TMEM131: variants seen among roughly 807,000 people sequenced by gnomAD.
TMEM131 encodes the protein transmembrane protein 131, also known as 2610524E03Rik.
A neutral mutation model predicts 211.6 loss-of-function variants in TMEM131; 66 were observed. That is an observed-to-expected ratio of 0.31 (90% CI 0.26 to 0.38). The LOEUF (loss-of-function observed/expected upper bound fraction) is 0.38, where lower values mean the gene tolerates loss of function less well. Ranked by LOEUF, TMEM131 falls within the 10% of genes least tolerant of loss-of-function variation. The probability of loss-of-function intolerance (pLI) is 1.00; values close to 1 mark genes in which losing one functional copy is unlikely to be tolerated. For synonymous variants in TMEM131, 844 were observed against 841.3 expected (o/e 1.00, Z -0.06); for missense variants, 2,036 against 2,299.3 (o/e 0.89, Z 2.34).
chr2:97,954,090 TC>T (rs1365215716), intron 1 of TMEM131, among the ~76,000 whole-genome samples: 1 of 152,170 alleles, frequency 6.6e-6, no homozygotes, highest in Non-Finnish European at 1.5e-5. Flanking sequence ...ATAATCTCTG[TC>T]CCCTACTTTA....
At chr2:97,865,066 A>C (rs1553606917) in intron 4 of TMEM131, among the ~76,000 whole-genome samples, 1 of 152,216 alleles carries the variant, frequency 6.6e-6, no homozygotes, top group Non-Finnish European at 1.5e-5. Context: ...TGGGGCAATC[A>C]ATAGTTTTTA....
chr2:97,949,817 CAAAAAAA>C (rs386390704), intron 1 of TMEM131, among the ~76,000 whole-genome samples: 9 of 66,974 alleles, frequency 1.3e-4, no homozygotes, highest in African/African-American at 2.3e-4. Context: ...GAGACTGTCT[CAAAAAAA>C]AAAAAAAAAA....
intron 7 of TMEM131, among the ~76,000 whole-genome samples, chr2:97,838,348 C>A (rs1683027101): frequency 6.7e-6 from 1 of 149,386 alleles, no homozygotes; most frequent in Non-Finnish European, 1.5e-5. Flanking sequence ...GAAACGTTCA[C>A]TTGTTTCATC....
At chr2:97,982,450 T>C (rs1679841335) in intron 1 of TMEM131, among the ~76,000 whole-genome samples, 4 of 152,238 alleles carry the variant, frequency 2.6e-5, no homozygotes, top group Admixed American at 2.6e-4. Flanking sequence ...AAAATTTTTC[T>C]TCCATTCTGT....
chr2:97,885,859 G>C (rs779878664), intron 4 of TMEM131, among the ~76,000 whole-genome samples: 6 of 152,148 alleles, frequency 3.9e-5, no homozygotes, highest in Non-Finnish European at 5.9e-5. Context: ...ATTTCATTAA[G>C]TATGTTTTCT....
At chr2:97,907,916 T>C (rs539307641) in intron 3 of TMEM131, among the ~76,000 whole-genome samples, 15 of 152,292 alleles carry the variant, frequency 9.8e-5, no homozygotes, top group African/African-American at 3.4e-4. Flanking sequence ...TCTTCTAAGC[T>C]AACTTCCTTT....
chr2:97,776,451 T>G (rs1679736594), intron 31 of TMEM131, among the ~76,000 whole-genome samples: 1 of 152,226 alleles, frequency 6.6e-6, no homozygotes, highest in South Asian at 2.1e-4. Context: ...AGGTTTCTTT[T>G]TTTCTTCTCT....
At chr2:97,916,993 A>C (rs1346016332) in intron 2 of TMEM131, among the ~76,000 whole-genome samples, 1 of 152,188 alleles carries the variant, frequency 6.6e-6, no homozygotes, top group African/African-American at 2.4e-5. Context: ...AAGTCCTTTA[A>C]TTTAAAACAA....
chr2:97,989,112 T>C (rs1680154217), intron 1 of TMEM131, among the ~76,000 whole-genome samples: 1 of 152,210 alleles, frequency 6.6e-6, no homozygotes, highest in Admixed American at 6.5e-5. Flanking sequence ...CTTTTTTATA[T>C]TTTTATGAAA....
intron 40 of TMEM131, 30 bp from the exon 41 acceptor site, chr2:97,757,413 G>C: frequency 6.5e-7 from 1 of 1,545,086 alleles, no homozygotes; most frequent in Non-Finnish European, 8.7e-7. Flanking sequence ...GTCCAGCACT[G>C]AGCCCGGCAG....
chr2:97,796,268 A>G lies in TMEM131; in HGVS notation c.3150T>C (p.Asn1050=), dbSNP rs564087917. The part of the protein sequence containing the change: ...SCEGYGFKVV[N]CQEFTLSANA... ...TGGCACTTAGAGTAAACTCTTGACA[A>G]TTAACAACTTTAAAGCCATATCCTT... is the stretch of plus-strand genomic sequence containing the variant. Residue 1050 remains asparagine, a synonymous_variant, in exon 28 of 41, where the codon AAT becomes AAC. Coordinates refer to ENST00000186436, the MANE Select transcript of TMEM131 (RefSeq NM_015348.2). The G allele has an allele frequency of 6.4e-7, 1 of 1,573,074 alleles. No homozygotes were observed. The highest frequency in any genetic ancestry group is 1.2e-5 in the South Asian group (1 of 85,196).
chr2:97,994,313 C>A (rs1485009469), intron 1 of TMEM131, among the ~76,000 whole-genome samples: 2 of 152,204 alleles, frequency 1.3e-5, no homozygotes, highest in Non-Finnish European at 2.9e-5. Flanking sequence ...CTATAGACGA[C>A]AATTCTTTGA....
intron 19 of TMEM131, among the ~76,000 whole-genome samples, chr2:97,806,787 T>C (rs534243469): frequency 6.6e-6 from 1 of 152,318 alleles, no homozygotes; most frequent in East Asian, 1.9e-4. Flanking sequence ...ACTTTTTAAA[T>C]ATTTGGAATA....
chr2:97,853,571 ACTC>A (rs1359078445), intron 5 of TMEM131, among the ~76,000 whole-genome samples: 1 of 149,702 alleles, frequency 6.7e-6, no homozygotes, highest in Non-Finnish European at 1.5e-5. Flanking sequence ...GTGCCAGTGC[ACTC>A]CAGCCTGGGC....
intron 4 of TMEM131, among the ~76,000 whole-genome samples, chr2:97,876,848 C>G (rs1461547193): frequency 6.6e-6 from 1 of 152,086 alleles, no homozygotes; most frequent in Non-Finnish European, 1.5e-5. Flanking sequence ...GAAGTTCTGG[C>G]CAGGGCAATC....
At chr2:97,813,492 T>C (rs1681662626) in intron 15 of TMEM131, among the ~76,000 whole-genome samples, 1 of 152,218 alleles carries the variant, frequency 6.6e-6, no homozygotes, top group Non-Finnish European at 1.5e-5. Flanking sequence ...AGTACCTTCA[T>C]TGTTTCCTTC....
At chr2:97,811,960 G>A (rs940142000) in intron 17 of TMEM131, among the ~76,000 whole-genome samples, 4 of 151,688 alleles carry the variant, frequency 2.6e-5, no homozygotes, top group Admixed American at 6.6e-5. Context: ...TTATTAGACA[G>A]GTAAAAATAT....
At chr2:97,810,053 T>A (rs565343759) in intron 18 of TMEM131, among the ~76,000 whole-genome samples, 11 of 152,266 alleles carry the variant, frequency 7.2e-5, no homozygotes, top group African/African-American at 1.9e-4. Flanking sequence ...ACAGATTTTT[T>A]AAAAATACAA....
chr2:97,763,605 G>A (rs187411242), intron 35 of TMEM131: 33 of 152,524 alleles, frequency 2.2e-4, no homozygotes, highest in Admixed American at 1.9e-3. Context: ...CTACACTGTC[G>A]GCTTGCTATT....
Sources: gnomAD v4.1 joint callset for allele counts (sites outside exome capture counted in the v4.1 genomes callset) on GRCh38, gnomAD v4.1.1 for gene constraint, MANE v1.5 for transcripts, NCBI Gene and HGNC (gene_info 2026-07-23, HGNC 2026-07-21) for gene names.